DAAM2: variants seen among roughly 807,000 people sequenced by gnomAD.
DAAM2 encodes dishevelled associated activator of morphogenesis 2, also known as disheveled-associated activator of morphogenesis 2.
Under a neutral mutation model 120.7 loss-of-function variants are expected in DAAM2, and 39 were observed. The observed-to-expected ratio is 0.32, with a 90% CI of 0.25 to 0.42. DAAM2 has a LOEUF of 0.42. Among genes scored for constraint, DAAM2 ranks in the 10% least tolerant of loss-of-function variants. The pLI, the probability that DAAM2 is intolerant of heterozygous loss-of-function variation, is 1.00. For synonymous variants in DAAM2, 488 were observed against 524.9 expected (o/e 0.93, Z 0.96); for missense variants, 1,283 against 1,401.7 (o/e 0.92, Z 1.35).
intron 1 of DAAM2, chr6:39,822,959 C>T (rs573240629): frequency 3.1e-4 from 47 of 152,296 alleles, no homozygotes; most frequent in African/African-American, 1.1e-3. Flanking sequence ...AGGTCTGAGA[C>T]TCTGCTTGAG....
At chr6:39,894,604 A>G (rs6919475) in intron 19 of DAAM2, among the ~76,000 whole-genome samples, 1,606 of 147,642 alleles carry the variant, frequency 0.011, 32 homozygotes, top group African/African-American at 0.038. Context: ...TCGGTTTTGA[A>G]CTTTATTTTT....
chr6:39,872,101 C>T (rs928888274), intron 9 of DAAM2, among the ~76,000 whole-genome samples: 6 of 151,528 alleles, frequency 4.0e-5, no homozygotes, highest in Admixed American at 2.0e-4. Context: ...GTGGAGTGAT[C>T]GTAGTATGGT....
intron 16 of DAAM2, chr6:39,888,421 A>AG (rs1277890122): frequency 3.2e-6 from 1 of 310,890 alleles, no homozygotes; most frequent in Non-Finnish European, 6.1e-6. Context: ...TTACTCCCAA[A>AG]TGCCCCTATC....
chr6:39,829,293 A>G (rs1009511369), intron 1 of DAAM2, among the ~76,000 whole-genome samples: 5 of 152,148 alleles, frequency 3.3e-5, no homozygotes, highest in African/African-American at 1.2e-4. Flanking sequence ...GCACAGAATG[A>G]TCCTGTTTTT....
chr6:39,832,901 A>T (rs992767041), intron 1 of DAAM2, among the ~76,000 whole-genome samples: 3 of 152,096 alleles, frequency 2.0e-5, no homozygotes, highest in African/African-American at 7.2e-5. Context: ...GGTCTTCCTC[A>T]GGCTCCTGGC....
chr6:39,829,754 C>T (rs1762808543), intron 1 of DAAM2, among the ~76,000 whole-genome samples: 1 of 152,138 alleles, frequency 6.6e-6, no homozygotes, highest in Non-Finnish European at 1.5e-5. Flanking sequence ...CTGGTCCCTG[C>T]CCTCAGAGGG....
At position 39,861,137 on chromosome 6, in the gene DAAM2, T is replaced by C. The variant is rs773663815; in HGVS notation, c.258+120T>C. 12 of 779,838 alleles carry C rather than the reference T, an allele frequency of 1.5e-5. No homozygotes were observed. In the South Asian group the frequency reaches 1.8e-4, roughly 11 times the overall value. The allele number at this position is 779,838 out of a possible 1,614,324, so 48.3% of individuals were successfully genotyped here. A position where few individuals can be genotyped will look rare whatever the true frequency, so the allele number is the denominator to read the frequency against. On this transcript the variant is annotated intron_variant, in intron 3 of 24. Transcript: ENST00000274867. ...TTACATGCCAGCCCTGTTCTAGGTGTTGGAGGAACAACAGTGAATAAAATA... is the reference window on the plus strand; with the variant it reads ...TTACATGCCAGCCCTGTTCTAGGTGCTGGAGGAACAACAGTGAATAAAATA...
chr6:39,855,098 A>G (rs1324708162), intron 1 of DAAM2, among the ~76,000 whole-genome samples: 1 of 152,220 alleles, frequency 6.6e-6, no homozygotes, highest in African/African-American at 2.4e-5. Context: ...TTCCATATTT[A>G]TGGCCAAAAA....
At chr6:39,824,307 G>A (rs1021629503) in intron 1 of DAAM2, among the ~76,000 whole-genome samples, 4 of 152,162 alleles carry the variant, frequency 2.6e-5, no homozygotes, top group Non-Finnish European at 4.4e-5. Flanking sequence ...CCAGCAGGGG[G>A]CATCTTGGGG....
chr6:39,900,512 A>C (rs780459440), intron 23 of DAAM2, among the ~76,000 whole-genome samples: 2 of 152,222 alleles, frequency 1.3e-5, no homozygotes, highest in Non-Finnish European at 2.9e-5. Context: ...CAGAGATGCT[A>C]AGTAACTTGC....
intron 1 of DAAM2, among the ~76,000 whole-genome samples, chr6:39,839,123 TA>T (rs1763224797): frequency 6.6e-6 from 1 of 152,142 alleles, no homozygotes; most frequent in African/African-American, 2.4e-5. Flanking sequence ...TTATTTTTTT[TA>T]AATGCCCCGT....
In DAAM2 at chr6:39,849,624, A is replaced by G. The variant is rs532008506; in HGVS notation, c.-56-6623A>G. 4.6e-5 allele frequency among the ~76,000 whole-genome samples: 7 copies of G among 152,338 alleles called. 1 individual carries two copies. Among genetic ancestry groups the G allele is most frequent in the African/African-American group, 1.4e-4 (6 of 41,576 alleles). Reference sequence around the variant, plus strand: ...GTTGATGGCAACTGAACAGAATTCAACTGAGTGTGTAGGGTAGAGTTGGGT... The same window carrying G: ...GTTGATGGCAACTGAACAGAATTCAGCTGAGTGTGTAGGGTAGAGTTGGGT... On this transcript the variant is annotated intron_variant, in intron 1 of 24. Transcript: ENST00000274867.
At chr6:39,856,648 A>T (rs1169056636) in intron 2 of DAAM2, among the ~76,000 whole-genome samples, 178 bp downstream of exon 2, 1 of 152,186 alleles carries the variant, frequency 6.6e-6, no homozygotes, top group African/African-American at 2.4e-5. Context: ...TCTCACTGGG[A>T]TGGACAGCAT....
intron 1 of DAAM2, among the ~76,000 whole-genome samples, chr6:39,853,050 C>G (rs1763873028): frequency 6.6e-6 from 1 of 152,160 alleles, no homozygotes; most frequent in Admixed American, 6.5e-5. Flanking sequence ...AAGAAAAGCC[C>G]ATTGACAGGG....
At chr6:39,799,262 A>G (rs1582586736) in intron 1 of DAAM2, among the ~76,000 whole-genome samples, 1 of 152,282 alleles carries the variant, frequency 6.6e-6, no homozygotes, top group East Asian at 1.9e-4. Flanking sequence ...GATGTGGTGA[A>G]AAGTCGGGTT....
intron 11 of DAAM2, among the ~76,000 whole-genome samples, chr6:39,877,983 T>C (rs1422763322): frequency 6.6e-6 from 1 of 152,172 alleles, no homozygotes; most frequent in African/African-American, 2.4e-5. Flanking sequence ...TTATAGGGTA[T>C]CTAAAGGTCT....
intron 1 of DAAM2, chr6:39,820,040 G>C (rs376151363): frequency 6.6e-6 from 1 of 152,278 alleles, no homozygotes; most frequent in African/African-American, 2.4e-5. Flanking sequence ...CACTCTGCTC[G>C]TGGGGGTGGA....
chr6:39,884,662 A>G (rs3003932), intron 15 of DAAM2: 86,061 of 153,516 alleles, frequency 0.56, 24,601 homozygotes, highest in East Asian at 0.78. Context: ...GGCCCGGGGA[A>G]GCCTTGGATA....
chr6:39,899,434 T>C (rs1008837064), intron 22 of DAAM2: 1 of 167,138 alleles, frequency 6.0e-6, no homozygotes. Flanking sequence ...AAAACACCAG[T>C]AGAGGAGTGG....
Sources: allele counts gnomAD v4.1 joint callset (sites outside exome capture counted in the v4.1 genomes callset), GRCh38; gene constraint gnomAD v4.1.1; transcripts MANE v1.5; gene names NCBI Gene and HGNC (gene_info 2026-07-23, HGNC 2026-07-21).